The following EVC variants were observed in gnomAD, a reference collection of about 807,000 sequenced individuals.
EVC encodes evC complex member EVC.
A neutral mutation model predicts 118.9 loss-of-function variants in EVC; 116 were observed. That is an observed-to-expected ratio of 0.98 (90% confidence interval 0.84 to 1.14). EVC has a LOEUF of 1.14. Among genes scored for constraint, EVC ranks in the 50% most tolerant of loss-of-function variants. EVC has a pLI of 0.00. For missense variants in EVC, 1,401 were observed against 1,246.4 expected (o/e 1.12, Z -1.87); for synonymous variants, 619 against 534.7 (o/e 1.16, Z -2.18).
rs574012551 is a variant in EVC at position 5,805,896 on chromosome 4, T to C, written c.2561+1055T>C. 7.2e-4 allele frequency among the ~76,000 whole-genome samples: 107 copies of C among 149,260 alleles called. 1 individual carries two copies. The highest frequency in any genetic ancestry group is 2.3e-3 in the African/African-American group (95 of 41,014). On this transcript the variant is annotated intron_variant, in intron 17 of 20. Coordinates refer to ENST00000264956, the MANE Select transcript of EVC (RefSeq NM_153717.3). ...ATTCAGAGGCAGTTTCTTTTCTTTT[T>C]TTTTTTTTTTTTTGAAGGAGTGACA...
chr4:5,740,299 C>T (rs1222471802), intron 5 of EVC, among the ~76,000 whole-genome samples: 5 of 151,882 alleles, frequency 3.3e-5, no homozygotes, highest in East Asian at 1.9e-4. Flanking sequence ...GGTGAAACCT[C>T]GTCTCTACTA....
At chr4:5,774,115 C>G (rs1734383355) in intron 11 of EVC, among the ~76,000 whole-genome samples, 1 of 151,792 alleles carries the variant, frequency 6.6e-6, no homozygotes, top group Non-Finnish European at 1.5e-5. Context: ...TGGTGTTGGC[C>G]CCCTCACTAG....
chr4:5,712,469 A>G (rs761060742), intron 1 of EVC, among the ~76,000 whole-genome samples: 55 of 152,196 alleles, frequency 3.6e-4, no homozygotes, highest in Non-Finnish European at 7.1e-4. Context: ...CACCTGGCAT[A>G]TAGCAGGCAT....
the EVC span, among the ~76,000 whole-genome samples, chr4:5,823,901 T>C: frequency 1.3e-5 from 2 of 152,166 alleles, no homozygotes; most frequent in African/African-American, 2.4e-5. Context: ...TACGCAGATA[T>C]TAAAAAGGGC....
the EVC span, among the ~76,000 whole-genome samples, chr4:5,819,337 T>C: frequency 6.6e-6 from 1 of 152,158 alleles, no homozygotes; most frequent in Admixed American, 6.5e-5. Context: ...GAGAATAGCC[T>C]TCCCCTAAAA....
At chr4:5,785,675 G>A (rs543072023) in intron 12 of EVC, among the ~76,000 whole-genome samples, 28 of 152,270 alleles carry the variant, frequency 1.8e-4, no homozygotes, top group African/African-American at 3.9e-4. Context: ...CCTTGAGGAC[G>A]GCAACCCTGA....
rs1048336538 is a variant in EVC, at chr4:5,755,366, G to T, written c.1465-898G>T. Reference sequence around the variant, plus strand: ...ACACGTGGGACGCAGGCAGGGAAGGGTGAATGAGCGCATGCGTGCCTGAAT... The same window carrying T: ...ACACGTGGGACGCAGGCAGGGAAGGTTGAATGAGCGCATGCGTGCCTGAAT... On this transcript the variant is annotated intron_variant, in intron 10 of 20. Coordinates refer to ENST00000264956, the MANE Select transcript of EVC (RefSeq NM_153717.3). The surrounding 1 kb of genome is among the most constrained non-coding windows in gnomAD (Gnocchi z 4.1). Among the ~76,000 whole-genome samples the T allele has an allele frequency of 4.6e-5, 7 of 152,160 alleles. No homozygotes were observed. Among genetic ancestry groups the T allele is most frequent in the Non-Finnish European group, 7.3e-5 (5 of 68,030 alleles).
In EVC at chr4:5,756,925, G is replaced by A. The variant is rs1731269392; in HGVS notation, c.1563+563G>A. Among the ~76,000 whole-genome samples the A allele has an allele frequency of 6.6e-6, 1 of 152,188 alleles. No homozygotes were observed. Among genetic ancestry groups the A allele is most frequent in the Admixed American group, 6.5e-5 (1 of 15,276 alleles). ...CCAGACAGAGCCCCTGCCTCAGGCA[G>A]CATCCTCAGTTGTTGGAAAGACAGG... On this transcript the variant is annotated intron_variant, in intron 11 of 20. Transcript: ENST00000264956. The surrounding 1 kb of genome is among the most constrained non-coding windows in gnomAD (Gnocchi z 4.2).
At chr4:5,809,187 C>A (rs1229064726) in intron 18 of EVC, among the ~76,000 whole-genome samples, 1 of 152,184 alleles carries the variant, frequency 6.6e-6, no homozygotes, top group African/African-American at 2.4e-5. Flanking sequence ...AGAGCCCAGC[C>A]TGTGGAGTCG....
At chr4:5,740,432 C>T (rs979251717) in intron 5 of EVC, among the ~76,000 whole-genome samples, 3 of 147,882 alleles carry the variant, frequency 2.0e-5, no homozygotes, top group Non-Finnish European at 4.4e-5. Flanking sequence ...GATTGCACCA[C>T]TGCACTCTAG....
intron 1 of EVC, among the ~76,000 whole-genome samples, chr4:5,718,133 C>A (rs1724294988): frequency 6.6e-6 from 1 of 152,124 alleles, no homozygotes; most frequent in Non-Finnish European, 1.5e-5. Context: ...AGTCTACTCT[C>A]CTTATTCATG....
At chr4:5,717,547 G>A (rs6846576) in intron 1 of EVC, among the ~76,000 whole-genome samples, 67,921 of 151,914 alleles carry the variant, frequency 0.45, 15,507 homozygotes, top group Middle Eastern at 0.52. Flanking sequence ...TTCTTTGCAG[G>A]ACCCTTGTAC....
Position 5,745,264 on chromosome 4 carries a change from G to A in EVC, c.862G>A (p.Ala288Thr), listed in dbSNP as rs1286304794. Residue 288 changes from alanine (A) to threonine (T), a missense_variant, in exon 7 of 21, where the codon GCT becomes ACT. Ala to Thr is a moderately conservative substitution (Grantham distance 58). Coordinates refer to ENST00000264956, the MANE Select transcript of EVC (RefSeq NM_153717.3). Reference protein sequence around the residue: ...VKLSNTEMSGAGDSEYITLAD... With the variant: ...VKLSNTEMSGTGDSEYITLAD... ...ACTGTCAAACACAGAAATGTCGGGG[G>A]CTGGTGACTCTGAGTACATCACCCT... The A allele has an allele frequency of 1.2e-6, 2 of 1,613,998 alleles. No homozygotes were observed. Among genetic ancestry groups the A allele is most frequent in the South Asian group, 1.1e-5 (1 of 91,068 alleles).
At chr4:5,728,043 C>G (rs1726149353) in intron 2 of EVC, among the ~76,000 whole-genome samples, 1 of 151,578 alleles carries the variant, frequency 6.6e-6, no homozygotes. Context: ...TTAGGATTGA[C>G]TTGGCGATGC....
intron 16 of EVC, 119 bp downstream of exon 16, chr4:5,802,213 T>A: frequency 7.2e-7 from 1 of 1,384,688 alleles, no homozygotes; most frequent in Non-Finnish European, 1.0e-6. Context: ...ATTATTTCAG[T>A]GTTTTAATGT....
intron 11 of EVC, among the ~76,000 whole-genome samples, chr4:5,770,595 C>T (rs564384670): frequency 1.3e-5 from 2 of 152,184 alleles, no homozygotes; most frequent in Non-Finnish European, 1.5e-5. Flanking sequence ...GGAATGTGCC[C>T]TCCTTGATGG....
At chr4:5,716,311 G>A (rs1723951979) in intron 1 of EVC, among the ~76,000 whole-genome samples, 1 of 152,224 alleles carries the variant, frequency 6.6e-6, no homozygotes, top group African/African-American at 2.4e-5. Context: ...ACTGGTTTTG[G>A]CCTAAAAGGG....
rs1286823363 is a variant in EVC at position 5,731,197 on chromosome 4, G to A, written c.385-228G>A. On this transcript the variant is annotated intron_variant, in intron 3 of 20. Coordinates refer to ENST00000264956, the MANE Select transcript of EVC (RefSeq NM_153717.3). This position sits in a 1 kb window ranked among gnomAD's most constrained non-coding sequence, Gnocchi z 5.6. ...AGTTTAGGGGAAGGAACCTGGTGCA[G>A]AGGGGCTGGCCTTGTGAGGACAAGT... Among the ~76,000 whole-genome samples the A allele has an allele frequency of 6.6e-6, 1 of 152,064 alleles. No individual in the cohort carries two copies. Among genetic ancestry groups the A allele is most frequent in the Admixed American group, 6.6e-5 (1 of 15,262 alleles).
At chr4:5,772,393 T>G (rs1258698056) in intron 11 of EVC, among the ~76,000 whole-genome samples, 1 of 152,056 alleles carries the variant, frequency 6.6e-6, no homozygotes, top group Non-Finnish European at 1.5e-5. Context: ...TATGGGCCCA[T>G]TTCAGCTGCA....
Sources: gnomAD v4.1 joint callset for allele counts (sites outside exome capture counted in the v4.1 genomes callset) on GRCh38, gnomAD v4.1.1 for gene constraint, Gnocchi (gnomAD v3.1) non-coding constraint, MANE v1.5 for transcripts, NCBI Gene and HGNC (gene_info 2026-07-23, HGNC 2026-07-21) for gene names.